The following PLD5 variants were observed in gnomAD, a reference collection of about 807,000 sequenced individuals.
PLD5 encodes the protein inactive phospholipase D5.
Under a neutral mutation model 61.1 loss-of-function variants are expected in PLD5, and 36 were observed. The ratio of observed to expected loss-of-function variants is 0.59; its 90% CI spans 0.45 to 0.78. PLD5 has a LOEUF of 0.78. PLD5 is among the 30% of genes least tolerant of loss of function. The pLI, the probability that PLD5 is intolerant of heterozygous loss-of-function variation, is 0.00. For synonymous variants in PLD5, 243 were observed against 242.8 expected (o/e 1.00, Z -0.01); for missense variants, 515 against 644.4 (o/e 0.80, Z 2.17).
Position 242,159,165 on chromosome 1 carries a change from G to A in PLD5, c.736-34500C>T, listed in dbSNP as rs369733287. Among the ~76,000 whole-genome samples the A allele has an allele frequency of 2.2e-4, 25 of 115,558 alleles. 1 individual carries two copies. The highest frequency in any genetic ancestry group is 9.7e-4 in the African/African-American group (22 of 22,780). The allele number at this position is 115,558 out of a possible 152,430, so 75.8% of individuals were successfully genotyped here. A position where few individuals can be genotyped will look rare whatever the true frequency, so the allele number is the denominator to read the frequency against. On this transcript the variant is annotated intron_variant, in intron 5 of 9. Transcript: ENST00000536534. ...ACATCTTGTATAAGACAGTATAGAC[G>A]AACGCAAATTTTTTTATGCTTGATA...
chr1:242,506,435 C>A (rs8179302), intron 1 of PLD5, among the ~76,000 whole-genome samples: 1 of 151,778 alleles, frequency 6.6e-6, no homozygotes, highest in South Asian at 2.1e-4. Flanking sequence ...GAGCCCAGGC[C>A]GACTCTGTTG....
At chr1:242,507,648 T>C (rs1028655813) in intron 1 of PLD5, among the ~76,000 whole-genome samples, 1 of 152,310 alleles carries the variant, frequency 6.6e-6, no homozygotes, top group African/African-American at 2.4e-5. Flanking sequence ...CTGGCAAAGA[T>C]TGTATTAAGT....
At chr1:242,367,530 C>G (rs1661410250) in intron 1 of PLD5, among the ~76,000 whole-genome samples, 1 of 152,138 alleles carries the variant, frequency 6.6e-6, no homozygotes, top group Non-Finnish European at 1.5e-5. Context: ...AGTGAGAACT[C>G]CCAGAAGGGC....
intron 1 of PLD5, among the ~76,000 whole-genome samples, chr1:242,452,921 A>G (rs950297035): frequency 7.2e-5 from 11 of 152,164 alleles, no homozygotes; most frequent in Non-Finnish European, 1.5e-4. Context: ...ACAACAGTGA[A>G]AAGTCTGAGA....
intron 2 of PLD5, among the ~76,000 whole-genome samples, chr1:242,295,301 T>C (rs577026499): frequency 3.0e-3 from 463 of 152,280 alleles, no homozygotes; most frequent in Non-Finnish European, 4.9e-3. Flanking sequence ...CTCCTCCCTT[T>C]TGGGGTCTCC....
intron 1 of PLD5, among the ~76,000 whole-genome samples, chr1:242,364,704 A>G (rs1661246260): frequency 6.6e-6 from 1 of 152,152 alleles, no homozygotes; most frequent in African/African-American, 2.4e-5. Context: ...TGATAGAGCA[A>G]GACTCTGTCT....
intron 8 of PLD5, among the ~76,000 whole-genome samples, chr1:242,105,267 G>A (rs375136299): frequency 1.3e-5 from 2 of 150,312 alleles, no homozygotes; most frequent in Non-Finnish European, 2.9e-5. Context: ...TCTGTCTCCC[G>A]GGCTGGAATG....
At chr1:242,096,331 C>T (rs1245811904) in intron 9 of PLD5, among the ~76,000 whole-genome samples, 2 of 151,276 alleles carry the variant, frequency 1.3e-5, no homozygotes, top group Non-Finnish European at 2.9e-5. Context: ...CTCTCTCTCT[C>T]TTTCCCTTTC....
chr1:242,419,136 G>T, intron 1 of PLD5, among the ~76,000 whole-genome samples: 1 of 152,214 alleles, frequency 6.6e-6, no homozygotes, highest in South Asian at 2.1e-4. Flanking sequence ...ACCAAAGAGG[G>T]TGGTTAGACC....
At chr1:242,153,457 T>C (rs374113931) in intron 5 of PLD5, among the ~76,000 whole-genome samples, 70 of 151,928 alleles carry the variant, frequency 4.6e-4, no homozygotes, top group Admixed American at 9.8e-4. Context: ...TCGCCTAGGT[T>C]TTCTTCTAGG....
At chr1:242,476,615 A>G (rs78312399) in intron 1 of PLD5, among the ~76,000 whole-genome samples, 2 of 152,216 alleles carry the variant, frequency 1.3e-5, no homozygotes, top group South Asian at 2.1e-4. Context: ...CAGCACTAAG[A>G]TCTACATTTA....
chr1:242,431,198 C>T (rs1665697830), intron 1 of PLD5, among the ~76,000 whole-genome samples: 1 of 152,218 alleles, frequency 6.6e-6, no homozygotes, highest in South Asian at 2.1e-4. Flanking sequence ...AAAACTGGAA[C>T]TCTGCATGCA....
chr1:242,465,790 C>T (rs545873643), intron 1 of PLD5, among the ~76,000 whole-genome samples: 47 of 152,304 alleles, frequency 3.1e-4, no homozygotes, highest in African/African-American at 1.1e-3. Context: ...ATTAGCCAGG[C>T]ATGGTGGCGG....
chr1:242,133,033 C>T (rs1663419746), intron 5 of PLD5, among the ~76,000 whole-genome samples: 1 of 151,508 alleles, frequency 6.6e-6, no homozygotes, highest in Non-Finnish European at 1.5e-5. Context: ...CTTCCCACCC[C>T]CGCACACCGC....
chr1:242,370,507 G>C (rs1661575798), intron 1 of PLD5, among the ~76,000 whole-genome samples: 1 of 152,062 alleles, frequency 6.6e-6, no homozygotes, highest in African/African-American at 2.4e-5. Context: ...CCAGGGGCCA[G>C]GGGAGGGGGC....
chr1:242,452,443 G>T (rs561616807), intron 1 of PLD5, among the ~76,000 whole-genome samples: 1 of 152,216 alleles, frequency 6.6e-6, no homozygotes, highest in Admixed American at 6.5e-5. Flanking sequence ...AAGAAAGTTA[G>T]GAAGTTCTGG....
At chr1:242,518,551 AGATTT>A (rs1456349796) in intron 1 of PLD5, among the ~76,000 whole-genome samples, 1 of 152,242 alleles carries the variant, frequency 6.6e-6, no homozygotes, top group Non-Finnish European at 1.5e-5. Flanking sequence ...AGGACTCATC[AGATTT>A]ATTTGGAGAA....
intron 1 of PLD5, among the ~76,000 whole-genome samples, chr1:242,390,203 C>G (rs1417856203): frequency 3.9e-5 from 6 of 151,970 alleles, no homozygotes; most frequent in African/African-American, 1.5e-4. Flanking sequence ...GGATTACAGG[C>G]ACCCCACTAC....
At chr1:242,521,728 C>T (rs1669286818) in intron 1 of PLD5, among the ~76,000 whole-genome samples, 1 of 108,606 alleles carries the variant, frequency 9.2e-6, no homozygotes, top group Non-Finnish European at 2.1e-5. Context: ...TTTCACATGA[C>T]ACACTCATCC....
Sources: allele counts gnomAD v4.1 joint callset (sites outside exome capture counted in the v4.1 genomes callset), GRCh38; gene constraint gnomAD v4.1.1; transcripts MANE v1.5; gene names NCBI Gene and HGNC (gene_info 2026-07-23, HGNC 2026-07-21).